The following APOOL variants were observed in gnomAD, a reference collection of about 807,000 sequenced individuals.
APOOL encodes the protein apolipoprotein O like.
In APOOL, 12 loss-of-function variants were observed where a neutral mutation model predicts 23.1. The ratio of observed to expected loss-of-function variants is 0.52; its 90% CI spans 0.33 to 0.84. The LOEUF (loss-of-function observed/expected upper bound fraction) is 0.84. APOOL is among the 40% of genes least tolerant of loss of function. The pLI is 0.02. For missense variants in APOOL, 212 were observed against 199.6 expected (o/e 1.06, Z -0.37); for synonymous variants, 77 against 69.9 (o/e 1.10, Z -0.51).
chrX:85,084,463 A>G (rs1339073848), intron 8 of APOOL, among the ~76,000 whole-genome samples: 4 of 109,919 alleles, frequency 3.6e-5, no homozygotes, highest in African/African-American at 1.3e-4. Flanking sequence ...AAAAAGATGA[A>G]TCAAATGACA....
At chrX:85,030,822 G>A (rs761542952) in intron 1 of APOOL, among the ~76,000 whole-genome samples, 2 of 111,487 alleles carry the variant, frequency 1.8e-5, no homozygotes, top group South Asian at 7.6e-4. Context: ...TACTGTTTGG[G>A]TTATGGGTGC....
chrX:85,042,998 T>C (rs1404583762), intron 1 of APOOL, among the ~76,000 whole-genome samples: 2 of 111,841 alleles, frequency 1.8e-5, no homozygotes, highest in African/African-American at 3.3e-5. Flanking sequence ...AGCTACTTTA[T>C]AGAATATAAC....
At chrX:85,047,972 T>C (rs967287395) in intron 2 of APOOL, among the ~76,000 whole-genome samples, 2 of 111,652 alleles carry the variant, frequency 1.8e-5, no homozygotes, top group East Asian at 2.8e-4. Flanking sequence ...TTTTTGGAAA[T>C]GTAGACTATT....
intron 1 of APOOL, among the ~76,000 whole-genome samples, chrX:85,023,166 T>A (rs1429617554): frequency 8.9e-6 from 1 of 111,898 alleles, no homozygotes; most frequent in Non-Finnish European, 1.9e-5. Context: ...AACATGATCT[T>A]TATATACAGA....
At chrX:85,050,853 C>A (rs1373081696) in intron 2 of APOOL, among the ~76,000 whole-genome samples, 1 of 110,348 alleles carries the variant, frequency 9.1e-6, no homozygotes, top group Non-Finnish European at 1.9e-5. Context: ...TTACCATTAC[C>A]CTGAATTTTT....
At chrX:85,077,111 A>G (rs755444272) in intron 8 of APOOL, among the ~76,000 whole-genome samples, 1 of 101,326 alleles carries the variant, frequency 9.9e-6, no homozygotes, top group African/African-American at 3.6e-5. Context: ...ATATATATAT[A>G]TTTTTTTAAT....
intron 8 of APOOL, among the ~76,000 whole-genome samples, chrX:85,080,084 ATC>A (rs1924031357): frequency 6.3e-5 from 7 of 111,400 alleles, no homozygotes; most frequent in African/African-American, 9.8e-5. Flanking sequence ...TTGTGTCTCT[ATC>A]TTTTTCAGTT....
chrX:85,050,606 CAA>C (rs58559539), intron 2 of APOOL, among the ~76,000 whole-genome samples: 23 of 62,046 alleles, frequency 3.7e-4, no homozygotes, highest in African/African-American at 9.6e-4. Flanking sequence ...AATATAAAAG[CAA>C]AAAAAAAAAA....
Position 85,031,456 on chromosome X carries a change from A to T in APOOL, c.16-14990A>T, listed in dbSNP as rs634845. On this transcript the variant is annotated intron_variant, in intron 1 of 8. Coordinates refer to ENST00000373173, the MANE Select transcript of APOOL (RefSeq NM_198450.6). ...GGCTGCATATATTTCAAAAAGATAA[A>T]TAATAATATAATGTTATATTTGTTA... Among the ~76,000 whole-genome samples the T allele has an allele frequency of 5.5e-3, 618 of 111,871 alleles. 2 individuals carry two copies. Among genetic ancestry groups the T allele is most frequent in the African/African-American group, 0.019 (585 of 30,768 alleles).
intron 6 of APOOL, 78 bp from the exon 7 acceptor site, chrX:85,073,920 T>C (rs1923750752): frequency 1.4e-6 from 1 of 701,286 alleles, no homozygotes; most frequent in Non-Finnish European, 2.1e-6. Flanking sequence ...TCATATAAAA[T>C]ACCTGACAAA....
chrX:85,015,145 T>C (rs1264399636), intron 1 of APOOL, among the ~76,000 whole-genome samples: 6 of 111,786 alleles, frequency 5.4e-5, no homozygotes, highest in African/African-American at 1.9e-4. Flanking sequence ...TATATTTCAC[T>C]AAGCATGTCT....
intron 1 of APOOL, among the ~76,000 whole-genome samples, chrX:85,037,611 A>G (rs1602754441): frequency 8.9e-6 from 1 of 111,738 alleles, no homozygotes; most frequent in African/African-American, 3.3e-5. Flanking sequence ...CCAAAGCAGC[A>G]TGGTACTGGT....
chrX:85,014,543 G>A (rs61618130), intron 1 of APOOL, among the ~76,000 whole-genome samples: 5,527 of 75,897 alleles, frequency 0.073, 344 homozygotes, highest in African/African-American at 0.22. Context: ...TTTTTTTTTT[G>A]TCTGAAAACG....
intron 1 of APOOL, among the ~76,000 whole-genome samples, chrX:85,010,863 G>A (rs1921251914): frequency 9.0e-6 from 1 of 111,598 alleles, no homozygotes; most frequent in African/African-American, 3.3e-5. Flanking sequence ...TAAATACCCA[G>A]TAGTGGGGTT....
At chrX:85,074,223 G>A in intron 7 of APOOL, 51 bp from the exon 8 acceptor site, 1 of 1,197,068 alleles carries the variant, frequency 8.4e-7, no homozygotes. Context: ...AGTAGATGAA[G>A]GAAATAGTAA....
At chrX:85,050,567 C>T (rs1922729638) in intron 2 of APOOL, among the ~76,000 whole-genome samples, 1 of 106,286 alleles carries the variant, frequency 9.4e-6, no homozygotes, top group African/African-American at 3.4e-5. Context: ...TCCTCAAACA[C>T]CAGGCTTCAT....
chrX:85,077,136 T>C (rs1602794611), intron 8 of APOOL, among the ~76,000 whole-genome samples: 1 of 104,327 alleles, frequency 9.6e-6, no homozygotes, highest in African/African-American at 3.5e-5. Flanking sequence ...CTTTAAGTTC[T>C]AGGGTACATG....
chrX:85,021,203 A>C (rs1403337304), intron 1 of APOOL, among the ~76,000 whole-genome samples: 3 of 109,748 alleles, frequency 2.7e-5, no homozygotes, highest in Non-Finnish European at 5.7e-5. Flanking sequence ...ATTGACCTCA[A>C]TGGACCCAGG....
chrX:85,043,553 C>G (rs1302324471), intron 1 of APOOL, among the ~76,000 whole-genome samples: 1 of 110,911 alleles, frequency 9.0e-6, no homozygotes, highest in African/African-American at 3.3e-5. Context: ...GAGTCCAGGC[C>G]AGATTTAGCC....
Sources: allele counts gnomAD v4.1 joint callset (sites outside exome capture counted in the v4.1 genomes callset), GRCh38; gene constraint gnomAD v4.1.1; transcripts MANE v1.5; gene names NCBI Gene and HGNC (gene_info 2026-07-23, HGNC 2026-07-21).